BACH2: variants seen among roughly 807,000 people sequenced by gnomAD.
The protein encoded by BACH2 is transcription regulator protein BACH2.
BACH2 carries 5 observed loss-of-function variants against 61.8 expected under a neutral mutation model. The ratio of observed to expected loss-of-function variants is 0.08; its 90% CI spans 0.04 to 0.17. The LOEUF is 0.17. Among genes scored for constraint, BACH2 ranks in the 10% least tolerant of loss-of-function variants. The pLI is 1.00. For synonymous variants in BACH2, 446 were observed against 440.1 expected (o/e 1.01, Z -0.17); for missense variants, 824 against 1,091.1 (o/e 0.76, Z 3.45).
chr6:90,021,322 CA>C (rs1297270388), intron 5 of BACH2, among the ~76,000 whole-genome samples: 1 of 125,536 alleles, frequency 8.0e-6, no homozygotes, highest in African/African-American at 3.0e-5. Context: ...AAAAAACCAA[CA>C]AAAAAATCAC....
chr6:90,262,295 G>A (rs1562531660), intron 2 of BACH2, among the ~76,000 whole-genome samples: 1 of 152,164 alleles, frequency 6.6e-6, no homozygotes, highest in East Asian at 1.9e-4. Flanking sequence ...CTAACTGGGG[G>A]AATCTACTGT....
chr6:90,155,031 A>T (rs1238989314), intron 4 of BACH2, among the ~76,000 whole-genome samples: 3 of 152,208 alleles, frequency 2.0e-5, no homozygotes, highest in Non-Finnish European at 4.4e-5. Context: ...AGAGCTAGGG[A>T]TCATAAATCC....
At chr6:89,966,365 C>G (rs1194645606) in intron 6 of BACH2, among the ~76,000 whole-genome samples, 1 of 152,210 alleles carries the variant, frequency 6.6e-6, no homozygotes, top group East Asian at 1.9e-4. Flanking sequence ...CAATGGAGAA[C>G]AGTTAATGCT....
chr6:90,227,125 G>A (rs1425209472), intron 3 of BACH2, among the ~76,000 whole-genome samples: 1 of 152,156 alleles, frequency 6.6e-6, no homozygotes, highest in Non-Finnish European at 1.5e-5. Context: ...TTAGCCTAAT[G>A]GAATATCCCT....
intron 6 of BACH2, among the ~76,000 whole-genome samples, chr6:89,953,686 G>A (rs1166405987): frequency 3.3e-5 from 5 of 152,168 alleles, no homozygotes; most frequent in African/African-American, 1.2e-4. Flanking sequence ...TTAAAAGCTT[G>A]TATGTTACCA....
At chr6:90,041,134 CTTCA>C (rs1779513487) in intron 5 of BACH2, among the ~76,000 whole-genome samples, 1 of 152,142 alleles carries the variant, frequency 6.6e-6, no homozygotes, top group Non-Finnish European at 1.5e-5. Flanking sequence ...GCGCCCTTGT[CTTCA>C]TTGTTTCTGA....
chr6:90,229,718 C>A (rs1174635244), intron 3 of BACH2, among the ~76,000 whole-genome samples: 1 of 152,202 alleles, frequency 6.6e-6, no homozygotes, highest in East Asian at 1.9e-4. Context: ...TGCTCTGATT[C>A]TCATAATTGG....
intron 4 of BACH2, among the ~76,000 whole-genome samples, chr6:90,099,666 T>C (rs1782532073): frequency 6.6e-6 from 1 of 152,204 alleles, no homozygotes; most frequent in African/African-American, 2.4e-5. Context: ...TCTTCACATA[T>C]GGGATTCAGC....
intron 4 of BACH2, among the ~76,000 whole-genome samples, chr6:90,093,394 G>A (rs1195949658): frequency 1.3e-5 from 2 of 152,060 alleles, no homozygotes; most frequent in East Asian, 3.9e-4. Flanking sequence ...CACTAACTTA[G>A]GCCTCTACTA....
chr6:90,032,864 C>T lies in BACH2; in HGVS notation c.-12-24008G>A, dbSNP rs375931147. On this transcript the variant is annotated intron_variant, in intron 5 of 8. Coordinates refer to ENST00000257749, the MANE Select transcript of BACH2 (RefSeq NM_021813.4). ...CAGCAATTCCATTACTGGGTATATACCCGAAGGATTATAAATCATGCTGCT... is the reference window on the plus strand; with the variant it reads ...CAGCAATTCCATTACTGGGTATATATCCGAAGGATTATAAATCATGCTGCT... 4.6e-5 allele frequency among the ~76,000 whole-genome samples: 7 copies of T among 152,208 alleles called. No individual in the cohort carries two copies. The East Asian group carries it at 7.7e-4, about 17-fold the overall frequency.
At chr6:90,210,134 T>G (rs75241200) in intron 3 of BACH2, among the ~76,000 whole-genome samples, 2,462 of 152,264 alleles carry the variant, frequency 0.016, 43 homozygotes, top group East Asian at 0.072. Context: ...AATACCAATC[T>G]GGGTGGTAGT....
At chr6:90,016,578 C>T (rs992551206) in intron 5 of BACH2, among the ~76,000 whole-genome samples, 1 of 152,128 alleles carries the variant, frequency 6.6e-6, no homozygotes, top group Non-Finnish European at 1.5e-5. Context: ...TTTCTCCCTT[C>T]CTGGCCATTG....
chr6:90,045,632 C>T (rs1296090363), intron 5 of BACH2, among the ~76,000 whole-genome samples: 1 of 152,140 alleles, frequency 6.6e-6, no homozygotes, highest in Non-Finnish European at 1.5e-5. Flanking sequence ...AAAGTCAAAA[C>T]CAAGTCAGTG....
At chr6:90,219,724 G>C (rs953391823) in intron 3 of BACH2, among the ~76,000 whole-genome samples, 55 of 152,046 alleles carry the variant, frequency 3.6e-4, no homozygotes, top group African/African-American at 1.3e-3. Context: ...GAGAGATCCA[G>C]GGGTTGCTGT....
At chr6:90,104,249 G>A (rs2127813327) in intron 4 of BACH2, 1 of 152,364 alleles carries the variant, frequency 6.6e-6, no homozygotes, top group East Asian at 1.9e-4. Flanking sequence ...GTGTGGAGAG[G>A]TGGGGTGTTC....
chr6:90,271,859 T>C lies in BACH2; in HGVS notation c.-363A>G, dbSNP rs188117469. ...AGGTCCTTGCCTCACCTGCTGTGCT[T>C]CAAGGGCTCATCAGCTTGGTCCCAA... is the stretch of plus-strand genomic sequence containing the variant. On this transcript the variant is annotated 5_prime_UTR_variant, in exon 2 of 9. It removes the in-frame stop codon of an upstream open reading frame in the 5' UTR. Transcript: ENST00000257749. 1.7e-4 allele frequency: 26 copies of C among 152,464 alleles called. No homozygotes were observed. Among genetic ancestry groups the C allele is most frequent in the African/African-American group, 5.5e-4 (23 of 41,572 alleles). The allele number at this position is 152,464 out of a possible 1,614,324, so 9.4% of individuals were successfully genotyped here. A position where few individuals can be genotyped will look rare whatever the true frequency, so the allele number is the denominator to read the frequency against.
At chr6:90,131,518 T>C (rs1784080520) in intron 4 of BACH2, among the ~76,000 whole-genome samples, 1 of 152,112 alleles carries the variant, frequency 6.6e-6, no homozygotes, top group Admixed American at 6.5e-5. Context: ...ATGGCCCAAA[T>C]CTCAGCGAAA....
At chr6:90,095,364 T>G (rs1015027777) in intron 4 of BACH2, among the ~76,000 whole-genome samples, 2 of 152,046 alleles carry the variant, frequency 1.3e-5, no homozygotes, top group African/African-American at 4.8e-5. Context: ...TGAAAGAAAG[T>G]GGGCTTTTTT....
At chr6:90,091,756 T>C (rs980955706) in intron 4 of BACH2, among the ~76,000 whole-genome samples, 12 of 152,114 alleles carry the variant, frequency 7.9e-5, no homozygotes, top group African/African-American at 2.4e-4. Flanking sequence ...AAAATTTCAA[T>C]CCTATTTTGG....
Sources: allele counts gnomAD v4.1 joint callset (sites outside exome capture counted in the v4.1 genomes callset), GRCh38; gene constraint gnomAD v4.1.1; transcripts MANE v1.5; gene names NCBI Gene and HGNC (gene_info 2026-07-23, HGNC 2026-07-21).